The following PRUNE2 variants were observed in gnomAD, a reference collection of about 807,000 sequenced individuals.
PRUNE2 encodes protein prune homolog 2.
Under a neutral mutation model 252.0 loss-of-function variants are expected in PRUNE2, and 164 were observed. The observed-to-expected ratio is 0.65, with a 90% CI of 0.57 to 0.74. The LOEUF (loss-of-function observed/expected upper bound fraction) is 0.74. Among genes scored for constraint, PRUNE2 ranks in the 30% least tolerant of loss-of-function variants. PRUNE2 has a pLI of 0.00. For synonymous variants in PRUNE2, 1,292 were observed against 1,350.2 expected, an observed-to-expected ratio of 0.96 and a Z score of 0.94; for missense variants, 3,495 against 3,711.0, an observed-to-expected ratio of 0.94 and a Z score of 1.51.
chr9:76,705,782 G>A lies in PRUNE2; in HGVS notation c.6492C>T (p.Asn2164=), dbSNP rs746197239. The part of the protein sequence containing the change: ...VPSNAELDSE[N]ATVLPPIGYQ... ...AGCCAATTGGAGGCAGCACAGTTGC[G>A]TTTTCAGAATCGAGTTCTGCATTGG... Residue 2164 remains asparagine, a synonymous_variant, in exon 8 of 19, where the codon AAC becomes AAT. Coordinates refer to ENST00000376718, the MANE Select transcript of PRUNE2 (RefSeq NM_015225.3). The A allele has an allele frequency of 9.4e-5, 152 of 1,613,784 alleles. No homozygotes were observed. Among genetic ancestry groups the A allele is most frequent in the Non-Finnish European group, 1.3e-4 (148 of 1,179,898 alleles).
At chr9:76,839,342 C>G (rs376855635) in intron 4 of PRUNE2, among the ~76,000 whole-genome samples, 1 of 152,058 alleles carries the variant, frequency 6.6e-6, no homozygotes, top group South Asian at 2.1e-4. Context: ...GAAGTTACAT[C>G]CTGGAGTGAG....
intron 12 of PRUNE2, among the ~76,000 whole-genome samples, chr9:76,638,678 ACTTCTTT>A (rs1467939215): frequency 6.6e-6 from 1 of 152,132 alleles, no homozygotes; most frequent in Non-Finnish European, 1.5e-5. Context: ...CTTATACAGC[ACTTCTTT>A]CTTCTGATGG....
intron 9 of PRUNE2, among the ~76,000 whole-genome samples, chr9:76,673,104 T>C (rs1379880315): frequency 2.0e-5 from 3 of 151,990 alleles, no homozygotes; most frequent in Non-Finnish European, 4.4e-5. Flanking sequence ...AAAAAATTAA[T>C]GAATCCAGGA....
At chr9:76,650,958 A>G (rs1847139964) in intron 11 of PRUNE2, among the ~76,000 whole-genome samples, 1 of 152,162 alleles carries the variant, frequency 6.6e-6, no homozygotes, top group Non-Finnish European at 1.5e-5. Flanking sequence ...TTTTGTCAAT[A>G]TATTAGCAGG....
chr9:76,807,051 T>TGTGTGTGTGTGTGTGTGTGTGTGCGCGC (rs60768420), intron 6 of PRUNE2, among the ~76,000 whole-genome samples: 2 of 139,456 alleles, frequency 1.4e-5, no homozygotes, highest in African/African-American at 2.8e-5. Context: ...TGTGTGTGTG[T>TGTGTGTGTGTGTGTGTGTGTGTGCGCGC]GCGCGCGCGC....
chr9:76,696,812 C>G (rs1391497491), intron 9 of PRUNE2, among the ~76,000 whole-genome samples: 1 of 152,240 alleles, frequency 6.6e-6, no homozygotes, highest in Non-Finnish European at 1.5e-5. Context: ...GTCCCTCACA[C>G]TAGGTCACTA....
intron 6 of PRUNE2, among the ~76,000 whole-genome samples, chr9:76,802,817 A>T (rs1393814738): frequency 6.6e-6 from 1 of 152,184 alleles, no homozygotes; most frequent in African/African-American, 2.4e-5. Flanking sequence ...TCTTTCAAAG[A>T]GTAAAGGTTG....
chr9:76,615,220 T>C (rs549927391), intron 18 of PRUNE2: 31 of 985,398 alleles, frequency 3.1e-5, no homozygotes, highest in Non-Finnish European at 3.7e-5. Flanking sequence ...TGCTTCTTAG[T>C]GAACACAGCA....
intron 1 of PRUNE2, among the ~76,000 whole-genome samples, chr9:76,865,310 T>C (rs1440054760): frequency 1.3e-5 from 2 of 152,126 alleles, no homozygotes; most frequent in Admixed American, 6.5e-5. Flanking sequence ...CTGGGCAACA[T>C]AGTGAGACCC....
chr9:76,836,835 G>A (rs996692087), intron 4 of PRUNE2, among the ~76,000 whole-genome samples: 4 of 152,236 alleles, frequency 2.6e-5, no homozygotes, highest in Non-Finnish European at 4.4e-5. Context: ...GCAGAGTGAC[G>A]GGGGACATTA....
At chr9:76,675,971 C>T (rs1163908923) in intron 9 of PRUNE2, among the ~76,000 whole-genome samples, 1 of 146,076 alleles carries the variant, frequency 6.8e-6, no homozygotes, top group Non-Finnish European at 1.5e-5. Context: ...TGCTAGATGA[C>T]GAGTTAGTGG....
At chr9:76,712,099 C>G (rs748359065) in intron 7 of PRUNE2, among the ~76,000 whole-genome samples, 8 of 152,106 alleles carry the variant, frequency 5.3e-5, no homozygotes, top group Non-Finnish European at 8.8e-5. Flanking sequence ...ATAATAATAA[C>G]AACCACCACT....
At chr9:76,652,455 C>A (rs1410764953) in intron 11 of PRUNE2, 28 bp downstream of exon 11, 3 of 1,518,430 alleles carry the variant, frequency 2.0e-6, no homozygotes, top group Non-Finnish European at 2.7e-6. Flanking sequence ...TAGCATTTAA[C>A]TTTGGCCTTG....
Position 76,708,916 on chromosome 9 carries a change from A to G in PRUNE2, c.3358T>C (p.Leu1120=). The change falls in exon 8 of 19, where the codon TTG becomes CTG. Residue 1120 remains leucine (L), a synonymous_variant. Transcript: ENST00000376718. ...GTTGCAGTGGACTGAGTATCCTCCA[A>G]AATCACTCTGTTCCACAAGTCGAGA... ...DSLDLWNRVI[L]EDTQSTATIS... 1 of 1,613,956 alleles carries G rather than the reference A, an allele frequency of 6.2e-7. No homozygotes were observed. Among genetic ancestry groups the G allele is most frequent in the Non-Finnish European group, 8.5e-7 (1 of 1,179,882 alleles).
intron 9 of PRUNE2, chr9:76,691,988 G>A (rs917597224): frequency 4.3e-6 from 3 of 693,684 alleles, no homozygotes; most frequent in African/African-American, 1.8e-5. Context: ...CCAGCAGCAA[G>A]AGATTAGTCT....
intron 4 of PRUNE2, among the ~76,000 whole-genome samples, chr9:76,845,700 A>G (rs1329776869): frequency 6.6e-6 from 1 of 152,232 alleles, no homozygotes; most frequent in Non-Finnish European, 1.5e-5. Flanking sequence ...CAATCTGTTC[A>G]TCACTGTTTT....
intron 6 of PRUNE2, among the ~76,000 whole-genome samples, chr9:76,775,394 T>C (rs1169615629): frequency 6.6e-6 from 1 of 152,104 alleles, no homozygotes; most frequent in Non-Finnish European, 1.5e-5. Context: ...CCTTCCAGGC[T>C]CAAGCGATCC....
At chr9:76,838,323 C>G (rs2059178779) in intron 4 of PRUNE2, among the ~76,000 whole-genome samples, 1 of 152,018 alleles carries the variant, frequency 6.6e-6, no homozygotes. Flanking sequence ...GTAATATATA[C>G]TGTATGATGC....
rs149769601 is a variant in PRUNE2, at chr9:76,853,859, T to C, written c.141+245A>G. On this transcript the variant is annotated intron_variant, in intron 2 of 18. Transcript: ENST00000376718. ...ACTTTAAATGTTTTATTTGAAAACA[T>C]TGACCTTATTGAAATAATGTTTTAT... Among the ~76,000 whole-genome samples the C allele has an allele frequency of 4.2e-3, 638 of 152,346 alleles. 7 individuals carry two copies. Among genetic ancestry groups the C allele is most frequent in the Admixed American group, 0.025 (386 of 15,302 alleles).
Sources: gnomAD v4.1 joint callset for allele counts (sites outside exome capture counted in the v4.1 genomes callset) on GRCh38, gnomAD v4.1.1 for gene constraint, MANE v1.5 for transcripts, NCBI Gene and HGNC (gene_info 2026-07-23, HGNC 2026-07-21) for gene names.